Variants in SIDT1 observed in about 807,000 individuals in gnomAD.
SIDT1 encodes the protein SID1 transmembrane family member 1, also known as SID1 transmembrane family, member 1.
Under a neutral mutation model 107.5 loss-of-function variants are expected in SIDT1, and 101 were observed. That is an observed-to-expected ratio of 0.94 (90% CI 0.80 to 1.11). SIDT1 has a LOEUF of 1.11. Ranked by LOEUF, SIDT1 falls within the 50% of genes least tolerant of loss-of-function variation. The probability of loss-of-function intolerance (pLI) is 0.00; values close to 1 mark genes in which losing one functional copy is unlikely to be tolerated. For synonymous variants in SIDT1, 395 were observed against 398.2 expected, an observed-to-expected ratio of 0.99 and a Z score of 0.10; for missense variants, 1,076 against 1,058.2, an observed-to-expected ratio of 1.02 and a Z score of -0.23.
intron 24 of SIDT1, 47 bp downstream of exon 24, chr3:113,626,262 T>A: frequency 7.9e-7 from 1 of 1,263,200 alleles, no homozygotes; most frequent in Non-Finnish European, 1.2e-6. Flanking sequence ...TCTTTACATC[T>A]TGTACTCTCT....
At position 113,603,045 on chromosome 3, in the gene SIDT1, C is replaced by T; in HGVS notation, c.1158C>T (p.Ser386=). The T allele has an allele frequency of 1.9e-6, 3 of 1,614,078 alleles. No homozygotes were observed. The highest frequency in any genetic ancestry group is 8.5e-7 in the Non-Finnish European group (1 of 1,180,000). ...SSSPGRQMSS[S]DGGPPGQSDT... ...GTCCTGGAAGGCAGATGTCCTCCTC[C>T]GATGGTGGGCCACCGGGCCAGTCAG... Residue 386 remains serine (S), a synonymous_variant, in exon 12 of 25, where the codon TCC becomes TCT. Transcript: ENST00000264852.
At chr3:113,605,103 T>G in intron 14 of SIDT1, 127 bp downstream of exon 14, 8 of 793,540 alleles carry the variant, frequency 1.0e-5, no homozygotes, top group Non-Finnish European at 1.6e-5. Flanking sequence ...GGGTTCCAAT[T>G]GGAATTCACT....
chr3:113,542,201 G>C (rs1938990655), intron 1 of SIDT1, among the ~76,000 whole-genome samples: 1 of 152,098 alleles, frequency 6.6e-6, no homozygotes, highest in Admixed American at 6.5e-5. Flanking sequence ...GGGATTACAG[G>C]TGTAAGCCAC....
intron 9 of SIDT1, 80 bp downstream of exon 9, chr3:113,585,350 A>G (rs1212651399): frequency 9.5e-7 from 1 of 1,055,026 alleles, no homozygotes; most frequent in African/African-American, 1.6e-5. Context: ...TGACAGATAT[A>G]TTGACTGGCT....
At chr3:113,590,847 A>G (rs1415750457) in intron 9 of SIDT1, among the ~76,000 whole-genome samples, 1 of 152,348 alleles carries the variant, frequency 6.6e-6, no homozygotes, top group East Asian at 1.9e-4. Context: ...ATGTGCATGG[A>G]TTGGAAGATT....
intron 17 of SIDT1, among the ~76,000 whole-genome samples, chr3:113,609,240 T>G (rs1217264133): frequency 6.6e-6 from 1 of 151,734 alleles, no homozygotes. Context: ...TTTTTGTATT[T>G]TTTTTGGTAG....
chr3:113,534,332 A>G (rs961463844), intron 1 of SIDT1, among the ~76,000 whole-genome samples: 2 of 152,160 alleles, frequency 1.3e-5, no homozygotes, highest in African/African-American at 4.8e-5. Flanking sequence ...GGGGGGACCA[A>G]TGTGCCTAAC....
chr3:113,596,670 A>G (rs1450823727), intron 10 of SIDT1, among the ~76,000 whole-genome samples: 1 of 152,160 alleles, frequency 6.6e-6, no homozygotes. Flanking sequence ...CATTTCCTCC[A>G]CTGGCTTTAT....
At chr3:113,626,301 T>A in intron 24 of SIDT1, 86 bp downstream of exon 24, 2 of 837,856 alleles carry the variant, frequency 2.4e-6, no homozygotes, top group Non-Finnish European at 1.9e-6. Context: ...TACTTTTTTT[T>A]ATATTCCTCT....
At chr3:113,596,348 G>A (rs1157153132) in intron 10 of SIDT1, among the ~76,000 whole-genome samples, 1 of 152,228 alleles carries the variant, frequency 6.6e-6, no homozygotes, top group Non-Finnish European at 1.5e-5. Context: ...GCGCTACTCT[G>A]CATTTGTTTT....
Position 113,612,174 on chromosome 3 carries a change from A to T in SIDT1, c.1946A>T (p.Tyr649Phe), listed in dbSNP as rs746517455. 8.1e-6 allele frequency: 13 copies of T among 1,613,426 alleles called. No homozygotes were observed. Among genetic ancestry groups the T allele is most frequent in the Non-Finnish European group, 1.1e-5 (13 of 1,179,484 alleles). The change falls in exon 19 of 25, where the codon TAT becomes TTT. Residue 649 changes from tyrosine (Y) to phenylalanine (F), a missense_variant. Tyr to Phe is a conservative substitution (Grantham distance 22). Transcript: ENST00000264852. ...CTAGCCCTCAGCACCCAGATATATT[A>T]TATGGGTCGTTTCAAGATAGGTGAG... ...ASLALSTQIY[Y>F]MGRFKIDLGI...
Position 113,608,223 on chromosome 3 carries a change from G to T in SIDT1, c.1602+6G>T. On this transcript the variant is annotated splice_donor_region_variant and intron_variant, in intron 16 of 24. Transcript: ENST00000264852. ...CCAAGGACATCTTTGCTGTGGTGAG[G>T]AAAGAGTGGGTAGGAGCTAGGAAGG... The T allele has an allele frequency of 1.3e-6, 2 of 1,581,500 alleles. No homozygotes were observed. Among genetic ancestry groups the T allele is most frequent in the Non-Finnish European group, 1.7e-6 (2 of 1,163,664 alleles).
rs770011935 is a variant in SIDT1, at chr3:113,611,065, G to A, written c.1778G>A (p.Arg593His). The A allele has an allele frequency of 4.3e-6, 7 of 1,613,782 alleles. No homozygotes were observed. The highest frequency in any genetic ancestry group is 1.7e-5 in the Admixed American group (1 of 59,964). The change falls in exon 18 of 25, where the codon CGC becomes CAC. Residue 593 changes from arginine to histidine, a missense_variant. Transcript: ENST00000264852. ...GLCMLKLYQT[R>H]HPDINASAYS... is the part of the protein sequence containing the mutation. The stretch of plus-strand genomic sequence containing the variant: ...TGCATGCTGAAGCTCTATCAGACCC[G>A]CCACCCAGACATCAATGCCAGCGCC...
intron 1 of SIDT1, among the ~76,000 whole-genome samples, chr3:113,564,581 G>A (rs979755457): frequency 2.0e-5 from 3 of 152,166 alleles, no homozygotes; most frequent in African/African-American, 4.8e-5. Flanking sequence ...GGTGTGAACA[G>A]TATTAAGGAG....
chr3:113,534,075 CAG>C (rs753308949), intron 1 of SIDT1, among the ~76,000 whole-genome samples: 6 of 152,006 alleles, frequency 3.9e-5, no homozygotes, highest in Admixed American at 1.3e-4. Context: ...GAGAGGGAGA[CAG>C]AGAGAGAAAG....
chr3:113,569,098 C>T (rs1315216719), intron 3 of SIDT1, among the ~76,000 whole-genome samples: 1 of 136,174 alleles, frequency 7.3e-6, no homozygotes. Flanking sequence ...GAGATCATGC[C>T]AATGCACTCC....
In SIDT1 at chr3:113,532,980, C is replaced by A; in HGVS notation, c.-42C>A. 6 of 1,295,334 alleles carry A rather than the reference C, an allele frequency of 4.6e-6. No homozygotes were observed. The highest frequency in any genetic ancestry group is 5.9e-6 in the Non-Finnish European group (6 of 1,013,704). 80.2% of individuals were successfully genotyped at this position (1,295,334 alleles called of 1,614,324 possible). On this transcript the variant is annotated 5_prime_UTR_variant, in exon 1 of 25. Coordinates refer to ENST00000264852, the MANE Select transcript of SIDT1 (RefSeq NM_017699.3). ...GGACCCTCTCTGCGCTCGCCCCCTC[C>A]CCAGGGTGGCTCCGCTTTCGAGCCC... is the stretch of plus-strand genomic sequence containing the variant.
Position 113,602,558 on chromosome 3 carries a change from G to A in SIDT1, c.1118-447G>A, listed in dbSNP as rs188649060. ...TATATAATCATAGATACAGCATGTG[G>A]GTGATTTCTGTGTACAAATACTTTA... On this transcript the variant is annotated intron_variant, in intron 11 of 24. Coordinates refer to ENST00000264852, the MANE Select transcript of SIDT1 (RefSeq NM_017699.3). 5.8e-3 allele frequency: 879 copies of A among 152,548 alleles called. 3 individuals carry two copies. Among genetic ancestry groups the A allele is most frequent in the Middle Eastern group, 0.014 (4 of 294 alleles). 9.4% of individuals were successfully genotyped at this position (152,548 alleles called of 1,614,324 possible).
chr3:113,635,908 A>T, the SIDT1 span, among the ~76,000 whole-genome samples: 1 of 151,778 alleles, frequency 6.6e-6, no homozygotes, highest in South Asian at 2.1e-4. Flanking sequence ...AAAAAGAAAA[A>T]TTTTAGACAA....
Sources: allele counts gnomAD v4.1 joint callset (sites outside exome capture counted in the v4.1 genomes callset), GRCh38; gene constraint gnomAD v4.1.1; transcripts MANE v1.5; gene names NCBI Gene and HGNC (gene_info 2026-07-23, HGNC 2026-07-21).